Variants in AKIRIN1 observed in about 807,000 individuals in gnomAD.
AKIRIN1 encodes akirin 1.
A neutral mutation model predicts 25.9 loss-of-function variants in AKIRIN1; 4 were observed. The observed-to-expected ratio is 0.15, with a 90% CI of 0.08 to 0.35. AKIRIN1 has a LOEUF of 0.35. Among genes scored for constraint, AKIRIN1 ranks in the 10% least tolerant of loss-of-function variants. The pLI is 1.00. For synonymous variants in AKIRIN1, 125 were observed against 105.1 expected, an observed-to-expected ratio of 1.19 and a Z score of -1.16; for missense variants, 243 against 266.1, an observed-to-expected ratio of 0.91 and a Z score of 0.61.
In AKIRIN1 at chr1:39,005,408, C is replaced by T. The variant is rs1557644794; in HGVS notation, c.*1353C>T. The stretch of plus-strand genomic sequence containing the variant: ...ACTGCTTCAGCTTTGTTTTGGCAAC[C>T]CCCTGCCCGAAGTCGCATATAGGCT... On this transcript the variant is annotated 3_prime_UTR_variant, in exon 5 of 5. Transcript: ENST00000432648. The T allele has an allele frequency of 6.6e-6, 1 of 152,008 alleles. No homozygotes were observed. Among genetic ancestry groups the T allele is most frequent in the Non-Finnish European group, 1.5e-5 (1 of 68,036 alleles). The allele number at this position is 152,008 out of a possible 1,614,324, so 9.4% of individuals were successfully genotyped here. A position where few individuals can be genotyped will look rare whatever the true frequency, so the allele number is the denominator to read the frequency against.
In AKIRIN1 at chr1:39,005,416, C is replaced by T. The variant is rs1291735296; in HGVS notation, c.*1361C>T. ...AGCTTTGTTTTGGCAACCCCCTGCC[C>T]GAAGTCGCATATAGGCTGTTCTTCA... On this transcript the variant is annotated 3_prime_UTR_variant, in exon 5 of 5. Coordinates refer to ENST00000432648, the MANE Select transcript of AKIRIN1 (RefSeq NM_024595.3). 2.0e-5 allele frequency: 3 copies of T among 152,100 alleles called. No homozygotes were observed. The highest frequency in any genetic ancestry group is 2.9e-5 in the Non-Finnish European group (2 of 68,038). The allele number at this position is 152,100 out of a possible 1,614,324, so 9.4% of individuals were successfully genotyped here. A position where few individuals can be genotyped will look rare whatever the true frequency, so the allele number is the denominator to read the frequency against.
intron 4 of AKIRIN1, 28 bp from the exon 5 acceptor site, chr1:39,004,017 C>A: frequency 6.3e-7 from 1 of 1,596,542 alleles, no homozygotes; most frequent in Non-Finnish European, 8.6e-7. Context: ...TATTCTTACC[C>A]TTTTTGTTTT....
chr1:38,993,406 C>A (rs1301417792), intron 1 of AKIRIN1, among the ~76,000 whole-genome samples: 1 of 151,730 alleles, frequency 6.6e-6, no homozygotes, highest in African/African-American at 2.4e-5. Context: ...TTGCGTTGAG[C>A]CAAGATCGCG....
rs554118337 is a variant in AKIRIN1 at position 39,004,606 on chromosome 1, G to A, written c.*551G>A. On this transcript the variant is annotated 3_prime_UTR_variant, in exon 5 of 5. Transcript: ENST00000432648. ...ATGTGTAGGTATTGTTAAATACAGG[G>A]ACTGTTTCCAGGCACAGAATATGAA... 1.1e-5 allele frequency: 2 copies of A among 185,158 alleles called. No individual in the cohort carries two copies. Among genetic ancestry groups the A allele is most frequent in the African/African-American group, 4.8e-5 (2 of 41,858 alleles). The allele number at this position is 185,158 out of a possible 1,614,324, so 11.5% of individuals were successfully genotyped here. A position where few individuals can be genotyped will look rare whatever the true frequency, so the allele number is the denominator to read the frequency against.
chr1:39,001,491 C>G (rs1396438696), intron 3 of AKIRIN1, among the ~76,000 whole-genome samples: 5 of 151,962 alleles, frequency 3.3e-5, no homozygotes, highest in Non-Finnish European at 5.9e-5. Context: ...GTCTCAAACT[C>G]CTGACCTCAG....
chr1:39,001,415 C>T (rs1028784334), intron 3 of AKIRIN1, among the ~76,000 whole-genome samples: 1 of 151,896 alleles, frequency 6.6e-6, no homozygotes, highest in African/African-American at 2.4e-5. Flanking sequence ...AGGCATGCGC[C>T]ACCATGCCTG....
intron 1 of AKIRIN1, among the ~76,000 whole-genome samples, chr1:38,994,685 T>A (rs1370328660): frequency 4.3e-5 from 5 of 116,180 alleles, no homozygotes; most frequent in Non-Finnish European, 5.3e-5. Context: ...TTTTTTTTTT[T>A]TTTTTTTTTT....
chr1:39,002,623 G>A (rs1457473606), intron 3 of AKIRIN1, among the ~76,000 whole-genome samples: 2 of 152,036 alleles, frequency 1.3e-5, no homozygotes, highest in Non-Finnish European at 2.9e-5. Context: ...CCAGCTACTC[G>A]GGAGGCTGAG....
chr1:38,993,175 G>A (rs1643922041), intron 1 of AKIRIN1, among the ~76,000 whole-genome samples: 1 of 152,206 alleles, frequency 6.6e-6, no homozygotes, highest in South Asian at 2.1e-4. Context: ...AAAGTGATGG[G>A]TTTAATGTAA....
chr1:39,002,848 C>G (rs775462185), intron 3 of AKIRIN1, among the ~76,000 whole-genome samples: 2 of 152,216 alleles, frequency 1.3e-5, no homozygotes, highest in East Asian at 3.8e-4. Context: ...TACCTTCTTC[C>G]TTTCTACTCA....
In AKIRIN1 at chr1:39,004,403, A is replaced by G. The variant is rs969705126; in HGVS notation, c.*348A>G. The stretch of plus-strand genomic sequence containing the variant: ...AAGAAGTGCGTGTGAGAGTGTGTGT[A>G]TATGTGTGTATGTGTATTTTAAGTT... On this transcript the variant is annotated 3_prime_UTR_variant, in exon 5 of 5. Transcript: ENST00000432648. The G allele has an allele frequency of 9.2e-6, 4 of 435,140 alleles. No homozygotes were observed. Among genetic ancestry groups the G allele is most frequent in the South Asian group, 2.2e-5 (1 of 46,064 alleles). The allele number at this position is 435,140 out of a possible 1,614,324, so 27.0% of individuals were successfully genotyped here. A position where few individuals can be genotyped will look rare whatever the true frequency, so the allele number is the denominator to read the frequency against.
chr1:38,994,802 G>A (rs1393089765), intron 1 of AKIRIN1, among the ~76,000 whole-genome samples: 2 of 146,046 alleles, frequency 1.4e-5, no homozygotes, highest in Non-Finnish European at 3.0e-5. Context: ...CGATTCTCCT[G>A]CCTTAGCCTC....
At chr1:39,001,287 T>G (rs1255022560) in intron 3 of AKIRIN1, among the ~76,000 whole-genome samples, 181 bp downstream of exon 3, 1 of 150,470 alleles carries the variant, frequency 6.6e-6, no homozygotes, top group African/African-American at 2.4e-5. Flanking sequence ...GAAGGACTTT[T>G]TTTTTTTTTT....
At chr1:38,995,044 T>A (rs1178402814) in intron 1 of AKIRIN1, among the ~76,000 whole-genome samples, 1 of 152,056 alleles carries the variant, frequency 6.6e-6, no homozygotes, top group Non-Finnish European at 1.5e-5. Context: ...TTGGCCAAGC[T>A]GGTCTCAAAC....
chr1:39,005,847 A>G lies in AKIRIN1; in HGVS notation c.*1792A>G, dbSNP rs993376371. Reference sequence around the variant, plus strand: ...TGTACATTTTCATTATATAGTGTTAACAAGCTTAGTTGCAAACAAATAAAA... The same window carrying G: ...TGTACATTTTCATTATATAGTGTTAGCAAGCTTAGTTGCAAACAAATAAAA... On this transcript the variant is annotated 3_prime_UTR_variant, in exon 5 of 5. Transcript: ENST00000432648. 1 of 152,228 alleles carries G rather than the reference A, an allele frequency of 6.6e-6. No homozygotes were observed. The highest frequency in any genetic ancestry group is 1.5e-5 in the Non-Finnish European group (1 of 68,034). 9.4% of individuals were successfully genotyped at this position (152,228 alleles called of 1,614,324 possible).
At chr1:38,996,365 C>T (rs1161248347) in intron 1 of AKIRIN1, among the ~76,000 whole-genome samples, 1 of 151,802 alleles carries the variant, frequency 6.6e-6, no homozygotes, top group African/African-American at 2.4e-5. Flanking sequence ...GGATTACAGG[C>T]GTGAGCCACC....
rs145873918 is a variant in AKIRIN1, at chr1:39,004,307, G to A, written c.*252G>A. The A allele has an allele frequency of 4.6e-4, 302 of 651,946 alleles. 2 individuals carry two copies. In the East Asian group the frequency reaches 8.5e-3, roughly 18 times the overall value. 40.4% of individuals were successfully genotyped at this position (651,946 alleles called of 1,614,324 possible). A position where few individuals can be genotyped will look rare whatever the true frequency, so the allele number is the denominator to read the frequency against. ...ATAGATTTTCCAAACAAAAATACCT[G>A]GAGCAGCAGTTTAGCAAAATATGCC... On this transcript the variant is annotated 3_prime_UTR_variant, in exon 5 of 5. Transcript: ENST00000432648.
chr1:39,002,862 TC>T (rs1450263577), intron 3 of AKIRIN1, among the ~76,000 whole-genome samples: 3 of 152,224 alleles, frequency 2.0e-5, no homozygotes, highest in African/African-American at 7.2e-5. Flanking sequence ...CTACTCAGTT[TC>T]CCCTTAAAAG....
intron 1 of AKIRIN1, among the ~76,000 whole-genome samples, chr1:38,993,536 C>T (rs1029219318): frequency 6.6e-6 from 1 of 150,744 alleles, no homozygotes; most frequent in Non-Finnish European, 1.5e-5. Context: ...GAAGCTGAGG[C>T]AGGAGAATCG....
Sources: gnomAD v4.1 joint callset for allele counts (sites outside exome capture counted in the v4.1 genomes callset) on GRCh38, gnomAD v4.1.1 for gene constraint, MANE v1.5 for transcripts, NCBI Gene and HGNC (gene_info 2026-07-23, HGNC 2026-07-21) for gene names.